ZNF608: variants seen among roughly 807,000 people sequenced by gnomAD.
ZNF608 encodes the protein zinc finger protein 608, also known as renal carcinoma antigen NY-REN-36.
A neutral mutation model predicts 109.0 loss-of-function variants in ZNF608; 12 were observed. That is an observed-to-expected ratio of 0.11 (90% confidence interval 0.07 to 0.18). ZNF608 has a LOEUF of 0.18. ZNF608 is among the 10% of genes least tolerant of loss of function. The pLI is 1.00. For synonymous variants in ZNF608, 732 were observed against 717.4 expected, an observed-to-expected ratio of 1.02 and a Z score of -0.33; for missense variants, 1,707 against 1,879.3, an observed-to-expected ratio of 0.91 and a Z score of 1.70.
chr5:124,714,457 T>C (rs1206224863), intron 2 of ZNF608, among the ~76,000 whole-genome samples: 1 of 152,202 alleles, frequency 6.6e-6, no homozygotes, highest in Non-Finnish European at 1.5e-5. Context: ...ACATCACATG[T>C]CTCACTAATG....
chr5:124,745,216 T>C, intron 1 of ZNF608, 44 bp from the exon 2 acceptor site: 1 of 1,380,930 alleles, frequency 7.2e-7, no homozygotes, highest in Non-Finnish European at 9.3e-7. Flanking sequence ...TGTCTGGGTG[T>C]TACCAGAATA....
intron 3 of ZNF608, among the ~76,000 whole-genome samples, chr5:124,689,152 C>CT (rs2149834906): frequency 6.6e-6 from 1 of 152,246 alleles, no homozygotes; most frequent in East Asian, 1.9e-4. Flanking sequence ...AAATCCAGTG[C>CT]TTTGAGAGGC....
At chr5:124,640,653 G>A (rs1750197963) in intron 8 of ZNF608, among the ~76,000 whole-genome samples, 1 of 152,214 alleles carries the variant, frequency 6.6e-6, no homozygotes, top group Admixed American at 6.5e-5. Context: ...ACAAAGATGG[G>A]ACAAATAATA....
At chr5:124,666,971 A>G (rs1266277812) in intron 3 of ZNF608, among the ~76,000 whole-genome samples, 4 of 152,202 alleles carry the variant, frequency 2.6e-5, no homozygotes, top group Admixed American at 2.0e-4. Context: ...GTAACCAACA[A>G]TGTAGGTGCG....
At chr5:124,644,127 T>A (rs976082072) in intron 6 of ZNF608, 117 bp downstream of exon 6, 2 of 993,120 alleles carry the variant, frequency 2.0e-6, no homozygotes, top group Non-Finnish European at 2.9e-6. Context: ...TTAAACAGCA[T>A]AAAAACAAGG....
chr5:124,714,763 C>T (rs566839664), intron 2 of ZNF608, among the ~76,000 whole-genome samples: 1 of 152,290 alleles, frequency 6.6e-6, no homozygotes, highest in South Asian at 2.1e-4. Context: ...GTTCATAGGG[C>T]TTGCTTAATT....
At position 124,646,900 on chromosome 5, in the gene ZNF608, G is replaced by T; in HGVS notation, c.3484C>A (p.Pro1162Thr). ...TISKAPSTPE[P>T]NKNHSKLGPS... The stretch of plus-strand genomic sequence containing the variant: ...CCTAGTTTAGAATGGTTTTTGTTAG[G>T]CTCCGGAGTAGAGGGAGCTTTTGAG... Residue 1162 changes from proline (P) to threonine (T), a missense_variant, in exon 5 of 10, where the codon CCT (proline) becomes ACT (threonine). By Grantham distance (38) the Pro-to-Thr change is conservative. Coordinates refer to ENST00000513986, the MANE Select transcript of ZNF608 (RefSeq NM_020747.3). 6.2e-7 allele frequency: 1 copy of T among 1,614,096 alleles called. No homozygotes were observed. Among genetic ancestry groups the T allele is most frequent in the South Asian group, 1.1e-5 (1 of 91,072 alleles).
At chr5:124,728,785 T>C (rs1203288448) in intron 2 of ZNF608, among the ~76,000 whole-genome samples, 2 of 152,370 alleles carry the variant, frequency 1.3e-5, no homozygotes, top group Middle Eastern at 6.8e-3. Context: ...TCCATGTTGC[T>C]TGCGTTGTAG....
chr5:124,665,537 T>C (rs769609088), intron 3 of ZNF608, among the ~76,000 whole-genome samples: 3 of 152,242 alleles, frequency 2.0e-5, no homozygotes, highest in Non-Finnish European at 4.4e-5. Context: ...CCTGTCTCAG[T>C]TGGTTCTTTC....
intron 2 of ZNF608, chr5:124,708,089 T>C (rs1753333218): frequency 6.6e-6 from 1 of 152,244 alleles, no homozygotes; most frequent in Non-Finnish European, 1.5e-5. Flanking sequence ...TCTCAGAGGA[T>C]GGGCCACTTT....
In ZNF608 at chr5:124,718,283, C is replaced by A. The variant is rs574708782; in HGVS notation, c.907-17014G>T. ...GCCTTGTTAGGGGAACAAAAAAATT[C>A]TCTTTCACATGCGTTAAAAAGTCTA... On this transcript the variant is annotated intron_variant, in intron 2 of 9. Coordinates refer to ENST00000513986, the MANE Select transcript of ZNF608 (RefSeq NM_020747.3). 7.9e-4 allele frequency among the ~76,000 whole-genome samples: 121 copies of A among 152,336 alleles called. 1 individual carries two copies. Among genetic ancestry groups the A allele is most frequent in the Non-Finnish European group, 1.1e-3 (78 of 68,024 alleles).
rs186606458 is a variant in ZNF608 at position 124,664,832 on chromosome 5, T to C, written c.1163-15135A>G. ...AAGGCTAAGGTCATCTTGATGATGA[T>C]AGTGGTATGTTGGAGGCATGTGCTG... On this transcript the variant is annotated intron_variant, in intron 3 of 9. Coordinates refer to ENST00000513986, the MANE Select transcript of ZNF608 (RefSeq NM_020747.3). Among the ~76,000 whole-genome samples the C allele has an allele frequency of 3.9e-5, 6 of 152,296 alleles. No homozygotes were observed. The East Asian group carries it at 9.6e-4, about 24-fold the overall frequency.
intron 2 of ZNF608, chr5:124,734,567 TCTCAGTACAACC>T: frequency 6.6e-6 from 1 of 152,218 alleles, no homozygotes; most frequent in South Asian, 2.1e-4. Context: ...ACTATACTGA[TCTCAGTACAACC>T]ACCCCAGCCG....
Position 124,643,733 on chromosome 5 carries a change from A to G in ZNF608, c.4124-50T>C, listed in dbSNP as rs770437890. The G allele has an allele frequency of 1.6e-5, 26 of 1,581,342 alleles. No homozygotes were observed. The Admixed American group carries it at 4.4e-4, about 26-fold the overall frequency. ...ATCAAGTTACAGGCTATATCTTTAAAAAAAATCATTTGGGTTACATGAATT... is the reference window on the plus strand; with the variant it reads ...ATCAAGTTACAGGCTATATCTTTAAGAAAAATCATTTGGGTTACATGAATT... On this transcript the variant is annotated intron_variant, in intron 6 of 9. Coordinates refer to ENST00000513986, the MANE Select transcript of ZNF608 (RefSeq NM_020747.3).
chr5:124,673,273 C>A lies in ZNF608; in HGVS notation c.1163-23576G>T, dbSNP rs568056580. 7.7e-4 allele frequency among the ~76,000 whole-genome samples: 117 copies of A among 152,282 alleles called. No homozygotes were observed. In the South Asian group the frequency reaches 0.014, roughly 18 times the overall value. Reference sequence around the variant, plus strand: ...CTTTCTCCTACAAGAGATTGGAAATCTCTTACAAATGATTAGAAACACCAG... The same window carrying A: ...CTTTCTCCTACAAGAGATTGGAAATATCTTACAAATGATTAGAAACACCAG... On this transcript the variant is annotated intron_variant, in intron 3 of 9. Transcript: ENST00000513986.
chr5:124,732,493 G>A (rs964347237), intron 2 of ZNF608, among the ~76,000 whole-genome samples: 4 of 150,992 alleles, frequency 2.6e-5, no homozygotes, highest in African/African-American at 9.8e-5. Context: ...ATGGACAAAT[G>A]CCATGATTTC....
At chr5:124,672,575 A>C (rs1284350568) in intron 3 of ZNF608, among the ~76,000 whole-genome samples, 1 of 152,212 alleles carries the variant, frequency 6.6e-6, no homozygotes, top group Admixed American at 6.5e-5. Context: ...GATGTTTCTC[A>C]AGTAACACTG....
At chr5:124,741,651 A>AGTAAAG (rs1749408442) in intron 2 of ZNF608, among the ~76,000 whole-genome samples, 1 of 152,188 alleles carries the variant, frequency 6.6e-6, no homozygotes, top group Non-Finnish European at 1.5e-5. Context: ...TACTTTCTAA[A>AGTAAAG]TAGGTATTCT....
chr5:124,646,799 G>T lies in ZNF608; in HGVS notation c.3585C>A (p.Ala1195=). ...LLSNHQQQLQ[A]DSFKAKQMEN... is the part of the protein sequence containing the mutation. ...CCATCTGCTTAGCTTTGAAGCTGTC[G>T]GCCTGAAGCTGCTGCTGGTGATTGG... Residue 1195 remains alanine, a synonymous_variant, in exon 5 of 10, where the codon GCC becomes GCA. Transcript: ENST00000513986. 1.9e-6 allele frequency: 3 copies of T among 1,614,184 alleles called. No homozygotes were observed. Among genetic ancestry groups the T allele is most frequent in the Non-Finnish European group, 2.5e-6 (3 of 1,180,048 alleles).
Sources: gnomAD v4.1 joint callset for allele counts (sites outside exome capture counted in the v4.1 genomes callset) on GRCh38, gnomAD v4.1.1 for gene constraint, MANE v1.5 for transcripts, NCBI Gene and HGNC (gene_info 2026-07-23, HGNC 2026-07-21) for gene names.